The following WWOX variants were observed in gnomAD, a reference collection of about 807,000 sequenced individuals.
WWOX encodes WW domain-containing oxidoreductase.
A neutral mutation model predicts 46.2 loss-of-function variants in WWOX; 69 were observed. The observed-to-expected ratio is 1.49, with a 90% CI of 1.23 to 1.82. The LOEUF is 1.82. WWOX is among the 40% of genes most tolerant of loss of function. The pLI, the probability that WWOX is intolerant of heterozygous loss-of-function variation, is 0.00. For missense variants in WWOX, 919 were observed against 542.6 expected, an observed-to-expected ratio of 1.69 and a Z score of -6.89; for synonymous variants, 359 against 202.6, an observed-to-expected ratio of 1.77 and a Z score of -6.56.
chr16:78,749,688 G>T (rs528296243), intron 8 of WWOX, among the ~76,000 whole-genome samples: 1 of 152,268 alleles, frequency 6.6e-6, no homozygotes, highest in South Asian at 2.1e-4. Context: ...CCTCAAAATA[G>T]GTGTCATTTA....
intron 8 of WWOX, among the ~76,000 whole-genome samples, chr16:78,561,402 G>T (rs1462245384): frequency 6.6e-6 from 1 of 151,128 alleles, no homozygotes; most frequent in African/African-American, 2.5e-5. Context: ...AAGGGCTCAC[G>T]TGATGAGGAT....
At chr16:78,179,859 G>A (rs2035473099) in intron 5 of WWOX, 2 of 152,186 alleles carry the variant, frequency 1.3e-5, no homozygotes, top group African/African-American at 4.8e-5. Context: ...GTAGCATAGC[G>A]CCTGGTCAAT....
chr16:78,854,077 T>C (rs940236073), intron 8 of WWOX, among the ~76,000 whole-genome samples: 12 of 152,236 alleles, frequency 7.9e-5, no homozygotes, highest in African/African-American at 2.2e-4. Context: ...TCTTTCTATA[T>C]TTTTCTCAGC....
rs75149105 is a variant in WWOX at position 78,380,283 on chromosome 16, C to T, written c.517-6577C>T. On this transcript the variant is annotated intron_variant, in intron 5 of 8. Coordinates refer to ENST00000566780, the MANE Select transcript of WWOX (RefSeq NM_016373.4). Reference sequence around the variant, plus strand: ...GTGGACATAATGGAATATGGAATAGCAATTGAAATCTTGCGTTGGGCTGAA... The same window carrying T: ...GTGGACATAATGGAATATGGAATAGTAATTGAAATCTTGCGTTGGGCTGAA... 3.3e-5 allele frequency among the ~76,000 whole-genome samples: 5 copies of T among 152,272 alleles called. No individual in the cohort carries two copies. The East Asian group carries it at 9.6e-4, about 29-fold the overall frequency.
At chr16:78,874,157 G>A (rs1407577234) in intron 8 of WWOX, among the ~76,000 whole-genome samples, 1 of 151,748 alleles carries the variant, frequency 6.6e-6, no homozygotes, top group African/African-American at 2.4e-5. Flanking sequence ...TCGAGTGGCT[G>A]AGGCAGGAGA....
chr16:78,640,939 C>CAA lies in WWOX; in HGVS notation c.1056+208200_1056+208201dup, dbSNP rs11378985. ...GGGTGACAGCGCGAGATTCTGTCTT[C>CAA]AAAAAAAAAAAAAAGAAGAAGAAAA... On this transcript the variant is annotated intron_variant, in intron 8 of 8. Transcript: ENST00000566780. Among the ~76,000 whole-genome samples, 455 of 133,708 alleles carry CAA rather than the reference C, an allele frequency of 3.4e-3. 3 individuals are homozygous for CAA. The highest frequency in any genetic ancestry group is 7.6e-3 in the Middle Eastern group (2 of 264). The allele number at this position is 133,708 out of a possible 152,430, so 87.7% of individuals were successfully genotyped here.
In WWOX at chr16:78,432,762, C is replaced by T. The variant is rs773869997; in HGVS notation, c.1056+10C>T. On this transcript the variant is annotated intron_variant, in intron 8 of 8. Transcript: ENST00000566780. ...TTTCACCAAGTCCATGGTAAGAGAA[C>T]AGCTTCTGGCGCCGCAAACACCTTG... 3.7e-6 allele frequency: 6 copies of T among 1,614,096 alleles called. No individual in the cohort carries two copies. In the East Asian group the frequency reaches 1.1e-4, roughly 30 times the overall value.
chr16:78,428,273 C>G (rs1315670909), intron 7 of WWOX, among the ~76,000 whole-genome samples: 1 of 152,182 alleles, frequency 6.6e-6, no homozygotes, highest in African/African-American at 2.4e-5. Context: ...TCAGCAGCAT[C>G]TAAAGAGTTG....
At chr16:78,310,904 C>T (rs1483118250) in intron 5 of WWOX, among the ~76,000 whole-genome samples, 3 of 152,148 alleles carry the variant, frequency 2.0e-5, no homozygotes, top group African/African-American at 4.8e-5. Flanking sequence ...CTTGTTGTCA[C>T]GATGTACAGG....
intron 8 of WWOX, among the ~76,000 whole-genome samples, chr16:78,691,563 C>A (rs982251630): frequency 6.6e-6 from 1 of 152,018 alleles, no homozygotes; most frequent in African/African-American, 2.4e-5. Flanking sequence ...AAAAAATTAT[C>A]TGGGTATAGT....
chr16:78,301,906 C>T (rs891828633), intron 5 of WWOX, among the ~76,000 whole-genome samples: 1 of 151,924 alleles, frequency 6.6e-6, no homozygotes, highest in Non-Finnish European at 1.5e-5. Context: ...GCCTCTTCTA[C>T]CCATAAGTTT....
chr16:78,476,439 C>T (rs906092262), intron 8 of WWOX, among the ~76,000 whole-genome samples: 3 of 152,080 alleles, frequency 2.0e-5, no homozygotes, highest in Non-Finnish European at 4.4e-5. Context: ...GGGAACATCA[C>T]ACACCGGGGC....
intron 1 of WWOX, among the ~76,000 whole-genome samples, chr16:78,100,519 G>T (rs1291763292): frequency 6.6e-6 from 1 of 152,210 alleles, no homozygotes; most frequent in Non-Finnish European, 1.5e-5. Context: ...CTCCAGAATT[G>T]AGATTACAGG....
At chr16:78,675,795 G>T (rs1369405190) in intron 8 of WWOX, among the ~76,000 whole-genome samples, 1 of 152,146 alleles carries the variant, frequency 6.6e-6, no homozygotes, top group African/African-American at 2.4e-5. Context: ...GCAACATAGC[G>T]AGACCTTGTC....
chr16:78,396,250 G>T (rs1301602752), intron 6 of WWOX, among the ~76,000 whole-genome samples: 1 of 151,944 alleles, frequency 6.6e-6, no homozygotes, highest in African/African-American at 2.4e-5. Context: ...CCTGCCCCTG[G>T]TGGAGAGAAT....
intron 5 of WWOX, among the ~76,000 whole-genome samples, chr16:78,317,042 C>T (rs573026415): frequency 1.3e-5 from 2 of 152,128 alleles, no homozygotes; most frequent in Non-Finnish European, 2.9e-5. Flanking sequence ...AAAGGTGAAG[C>T]CTGCACAGTA....
intron 5 of WWOX, among the ~76,000 whole-genome samples, chr16:78,169,430 G>T (rs1031338499): frequency 4.0e-5 from 6 of 150,548 alleles, no homozygotes; most frequent in Admixed American, 2.7e-4. Context: ...ATTTCTCGGG[G>T]TCTGGCATAT....
In WWOX at chr16:78,570,139, G is replaced by A. The variant is rs151014135; in HGVS notation, c.1056+137387G>A. The stretch of plus-strand genomic sequence containing the variant: ...GGTGAGAATACAGGAAATCCTTGTG[G>A]CCTTGTTTGCCTTTTTTAGAAATTT... On this transcript the variant is annotated intron_variant, in intron 8 of 8. Coordinates refer to ENST00000566780, the MANE Select transcript of WWOX (RefSeq NM_016373.4). Among the ~76,000 whole-genome samples the A allele has an allele frequency of 1.2e-3, 176 of 152,242 alleles. 1 individual carries two copies. Among genetic ancestry groups the A allele is most frequent in the African/African-American group, 4.1e-3 (169 of 41,548 alleles).
intron 8 of WWOX, among the ~76,000 whole-genome samples, chr16:78,951,017 G>T (rs989508258): frequency 1.3e-5 from 2 of 152,112 alleles, no homozygotes; most frequent in Non-Finnish European, 2.9e-5. Context: ...TTCATCTCAG[G>T]CCAGACATTG....
Sources: allele counts gnomAD v4.1 joint callset (sites outside exome capture counted in the v4.1 genomes callset), GRCh38; gene constraint gnomAD v4.1.1; transcripts MANE v1.5; gene names NCBI Gene and HGNC (gene_info 2026-07-23, HGNC 2026-07-21).